The following ZNF420 variants were observed in gnomAD, a reference collection of about 807,000 sequenced individuals.
ZNF420 encodes the protein zinc finger protein 420.
In ZNF420, 31 loss-of-function variants were observed where a neutral mutation model predicts 44.7. The observed-to-expected ratio is 0.69, with a 90% CI of 0.52 to 0.94. The LOEUF (loss-of-function observed/expected upper bound fraction) is 0.94. ZNF420 is among the 40% of genes least tolerant of loss of function. The pLI is 0.00. For missense variants in ZNF420, 681 were observed against 827.9 expected (o/e 0.82, Z 2.18); for synonymous variants, 245 against 267.4 (o/e 0.92, Z 0.82).
At chr19:37,112,167 A>C (rs1970415728) in intron 4 of ZNF420, among the ~76,000 whole-genome samples, 1 of 151,952 alleles carries the variant, frequency 6.6e-6, no homozygotes, top group Non-Finnish European at 1.5e-5. Context: ...TAAAAAGGAT[A>C]CCCTATTGCT....
At chr19:37,056,276 G>C (rs1358391894) in intron 1 of ZNF420, among the ~76,000 whole-genome samples, 1 of 152,162 alleles carries the variant, frequency 6.6e-6, no homozygotes, top group East Asian at 1.9e-4. Context: ...CTCACACACA[G>C]GTTCTCTCCT....
intron 1 of ZNF420, among the ~76,000 whole-genome samples, chr19:37,036,181 G>T (rs900557493): frequency 1.3e-5 from 2 of 152,162 alleles, no homozygotes; most frequent in African/African-American, 4.8e-5. Flanking sequence ...ACAGTAGCAT[G>T]ACGATCGTTA....
rs373187747 is a variant in ZNF420, at chr19:37,047,728, G to A, written c.-124-32617G>A. ...TTTTTCACTATTTGTTAGTGTCCAGGTCAGAAAGTCCAGAATACATTCTCT... is the reference window on the plus strand; with the variant it reads ...TTTTTCACTATTTGTTAGTGTCCAGATCAGAAAGTCCAGAATACATTCTCT... On this transcript the variant is annotated intron_variant, in intron 1 of 4. Transcript: ENST00000587029. Among the ~76,000 whole-genome samples the A allele has an allele frequency of 7.9e-5, 12 of 152,224 alleles. No individual in the cohort carries two copies. In the East Asian group the frequency reaches 1.4e-3, roughly 17 times the overall value.
At chr19:37,052,328 G>A (rs930713765) in intron 1 of ZNF420, among the ~76,000 whole-genome samples, 2 of 151,878 alleles carry the variant, frequency 1.3e-5, no homozygotes, top group African/African-American at 4.8e-5. Context: ...TTGCCAGTCT[G>A]TGTCTTTTAA....
intron 1 of ZNF420, among the ~76,000 whole-genome samples, chr19:37,033,404 T>C (rs955817441): frequency 2.6e-5 from 4 of 152,194 alleles, no homozygotes; most frequent in Non-Finnish European, 4.4e-5. Context: ...ATCATTCTAC[T>C]TTTGGTTTCT....
intron 1 of ZNF420, among the ~76,000 whole-genome samples, chr19:37,030,048 G>A (rs1967229078): frequency 6.6e-6 from 1 of 152,156 alleles, no homozygotes; most frequent in African/African-American, 2.4e-5. Context: ...TATAAAAGAT[G>A]TATAGGATTG....
chr19:37,012,350 A>AG (rs2074576422), intron 1 of ZNF420, among the ~76,000 whole-genome samples: 1 of 152,218 alleles, frequency 6.6e-6, no homozygotes, highest in Non-Finnish European at 1.5e-5. Flanking sequence ...AGGCGCGAAC[A>AG]GATTCTCGTC....
chr19:37,064,677 G>A (rs934655648), intron 1 of ZNF420, among the ~76,000 whole-genome samples: 1 of 152,150 alleles, frequency 6.6e-6, no homozygotes, highest in Non-Finnish European at 1.5e-5. Flanking sequence ...TACTCTCCCT[G>A]GATAGATACC....
intron 1 of ZNF420, among the ~76,000 whole-genome samples, chr19:37,039,898 G>GTTTA (rs1421276587): frequency 6.6e-6 from 1 of 151,742 alleles, no homozygotes; most frequent in Non-Finnish European, 1.5e-5. Flanking sequence ...TTGTTTGTTT[G>GTTTA]TTGTTGTTGT....
intron 1 of ZNF420, among the ~76,000 whole-genome samples, chr19:37,024,459 T>A (rs556411474): frequency 2.6e-5 from 4 of 152,172 alleles, no homozygotes; most frequent in South Asian, 4.2e-4. Flanking sequence ...TTTGTTTGTT[T>A]GTTTTTTTGA....
intron 4 of ZNF420, among the ~76,000 whole-genome samples, chr19:37,116,135 A>AGAGGCTGAT (rs1471316194): frequency 2.6e-5 from 4 of 152,122 alleles, no homozygotes; most frequent in East Asian, 3.9e-4. Flanking sequence ...AGACACAGTA[A>AGAGGCTGAT]GAGGCTGATC....
chr19:37,016,093 T>C (rs760478560), intron 1 of ZNF420, among the ~76,000 whole-genome samples: 4 of 152,178 alleles, frequency 2.6e-5, no homozygotes, highest in Non-Finnish European at 5.9e-5. Context: ...CCGTGGGTGC[T>C]CGTAGCTCCC....
chr19:37,009,098 C>A (rs2074549406), intron 1 of ZNF420, among the ~76,000 whole-genome samples: 1 of 152,142 alleles, frequency 6.6e-6, no homozygotes, highest in African/African-American at 2.4e-5. Context: ...GGCGGTGTCA[C>A]ATTTCCTCTG....
chr19:37,110,935 G>C (rs1022087900), intron 4 of ZNF420, among the ~76,000 whole-genome samples: 21 of 152,170 alleles, frequency 1.4e-4, no homozygotes, highest in Admixed American at 5.9e-4. Flanking sequence ...AAATCAGCAA[G>C]ACCAATCTGC....
At position 37,062,669 on chromosome 19, in the gene ZNF420, G is replaced by A. The variant is rs3213840; in HGVS notation, c.-124-17676G>A. Among the ~76,000 whole-genome samples the A allele has an allele frequency of 6.2e-3, 936 of 152,156 alleles. 28 individuals are homozygous for A. The highest frequency in any genetic ancestry group is 0.05 in the East Asian group (256 of 5,170). On this transcript the variant is annotated intron_variant, in intron 1 of 4. Coordinates refer to the ZNF420 transcript ENST00000587029. Reference sequence around the variant, plus strand: ...CTTAGGGTTTTCCATCTTTTGTTGAGATTATTGTTATCTACTTTTCCTGCC... The same window carrying A: ...CTTAGGGTTTTCCATCTTTTGTTGAAATTATTGTTATCTACTTTTCCTGCC...
At chr19:37,110,365 A>G (rs1042332961) in intron 4 of ZNF420, among the ~76,000 whole-genome samples, 3 of 152,152 alleles carry the variant, frequency 2.0e-5, no homozygotes, top group Admixed American at 2.0e-4. Context: ...GCCTGTTTCT[A>G]TGTGACATCA....
intron 1 of ZNF420, among the ~76,000 whole-genome samples, chr19:37,010,894 C>T (rs1043444708): frequency 1.3e-5 from 2 of 152,100 alleles, no homozygotes; most frequent in Non-Finnish European, 2.9e-5. Flanking sequence ...AGCAGACAAA[C>T]GTCAAAGAAG....
intron 4 of ZNF420, chr19:37,106,866 G>A (rs1248654023): frequency 6.6e-6 from 1 of 152,084 alleles, no homozygotes; most frequent in Non-Finnish European, 1.5e-5. Flanking sequence ...AGTGGGGAGA[G>A]GGTCAGCGGG....
At chr19:37,038,857 AT>A (rs1321209087) in intron 1 of ZNF420, among the ~76,000 whole-genome samples, 1 of 152,048 alleles carries the variant, frequency 6.6e-6, no homozygotes, top group Non-Finnish European at 1.5e-5. Flanking sequence ...ATGGCAGTGC[AT>A]GCCTATAATA....
Sources: gnomAD v4.1 joint callset for allele counts (sites outside exome capture counted in the v4.1 genomes callset) on GRCh38, gnomAD v4.1.1 for gene constraint, MANE v1.5 for transcripts, NCBI Gene and HGNC (gene_info 2026-07-23, HGNC 2026-07-21) for gene names.